The following NCAM2 variants were observed in gnomAD, a reference collection of about 807,000 sequenced individuals.
NCAM2 encodes neural cell adhesion molecule 2.
NCAM2 carries 30 observed loss-of-function variants against 98.1 expected under a neutral mutation model. The ratio of observed to expected loss-of-function variants is 0.31; its 90% CI spans 0.23 to 0.41. The LOEUF is 0.41. Ranked by LOEUF, NCAM2 falls within the 10% of genes least tolerant of loss-of-function variation. The probability of loss-of-function intolerance (pLI) is 1.00; values close to 1 mark genes in which losing one functional copy is unlikely to be tolerated. For synonymous variants in NCAM2, 368 were observed against 342.4 expected (o/e 1.07, Z -0.83); for missense variants, 867 against 1,005.8 (o/e 0.86, Z 1.87).
intron 6 of NCAM2, among the ~76,000 whole-genome samples, chr21:21,329,428 A>G (rs969999603): frequency 3.9e-5 from 6 of 152,172 alleles, no homozygotes; most frequent in Non-Finnish European, 4.4e-5. Context: ...AATAGGCTAT[A>G]TACCATCTTG....
At chr21:21,072,107 G>T (rs9980193) in intron 1 of NCAM2, among the ~76,000 whole-genome samples, 148,178 of 152,048 alleles carry the variant, frequency 0.97, 72,301 homozygotes, top group Middle Eastern at 1. Flanking sequence ...AGAGATGGGA[G>T]TTCACCGTGT....
chr21:21,463,506 C>A (rs1287770845), intron 12 of NCAM2, among the ~76,000 whole-genome samples: 2 of 152,094 alleles, frequency 1.3e-5, no homozygotes, highest in Non-Finnish European at 2.9e-5. Flanking sequence ...ATCTATAAAA[C>A]CTCTCTTTGG....
intron 9 of NCAM2, among the ~76,000 whole-genome samples, chr21:21,408,606 A>G (rs1338381856): frequency 6.6e-6 from 1 of 151,996 alleles, no homozygotes; most frequent in Non-Finnish European, 1.5e-5. Flanking sequence ...TTATTTCTGT[A>G]TTTGATTGGG....
rs531956166 is a variant in NCAM2, at chr21:21,310,574, G to A, written c.620-13809G>A. Among the ~76,000 whole-genome samples, 7 of 152,274 alleles carry A rather than the reference G, an allele frequency of 4.6e-5. No individual in the cohort carries two copies. The East Asian group carries it at 1.4e-3, about 29-fold the overall frequency. Reference sequence around the variant, plus strand: ...CAGGAACTGACTTCTCCAGGAGGATGGGCTGTTTCAGAGTATCAGCTTATT... The same window carrying A: ...CAGGAACTGACTTCTCCAGGAGGATAGGCTGTTTCAGAGTATCAGCTTATT... On this transcript the variant is annotated intron_variant, in intron 5 of 17. Transcript: ENST00000400546.
At chr21:21,107,753 G>T (rs1032619707) in intron 1 of NCAM2, among the ~76,000 whole-genome samples, 2 of 152,080 alleles carry the variant, frequency 1.3e-5, no homozygotes, top group African/African-American at 4.8e-5. Context: ...GTAATCAAAT[G>T]CATTTGTTAT....
chr21:21,351,200 T>A (rs2075331051), intron 8 of NCAM2, among the ~76,000 whole-genome samples: 2 of 151,886 alleles, frequency 1.3e-5, no homozygotes, highest in African/African-American at 4.8e-5. Flanking sequence ...TTTATTGAGT[T>A]AGTTGTCACT....
At chr21:21,251,783 T>C (rs2071483815) in intron 1 of NCAM2, among the ~76,000 whole-genome samples, 1 of 152,054 alleles carries the variant, frequency 6.6e-6, no homozygotes, top group Non-Finnish European at 1.5e-5. Flanking sequence ...AAGTTTCTTT[T>C]AGATTCTGGA....
At chr21:21,135,256 A>AAAAAAAC (rs2067024005) in intron 1 of NCAM2, among the ~76,000 whole-genome samples, 1 of 145,624 alleles carries the variant, frequency 6.9e-6, no homozygotes, top group Non-Finnish European at 1.5e-5. Context: ...AAAAAAAAAA[A>AAAAAAAC]AAAAAAAACT....
At chr21:21,209,422 C>A (rs899569794) in intron 1 of NCAM2, among the ~76,000 whole-genome samples, 7 of 152,052 alleles carry the variant, frequency 4.6e-5, no homozygotes, top group South Asian at 4.1e-4. Flanking sequence ...CTGGGTCTTG[C>A]TATGTTTTCC....
intron 12 of NCAM2, among the ~76,000 whole-genome samples, chr21:21,449,682 G>C (rs1238503070): frequency 6.6e-6 from 1 of 151,786 alleles, no homozygotes; most frequent in Non-Finnish European, 1.5e-5. Flanking sequence ...ATCTATTATA[G>C]TATATAAATG....
chr21:21,021,089 T>A (rs1778249524), intron 1 of NCAM2, among the ~76,000 whole-genome samples: 1 of 152,206 alleles, frequency 6.6e-6, no homozygotes, highest in Non-Finnish European at 1.5e-5. Context: ...TTTGATGATC[T>A]TCTGCTTTCA....
intron 1 of NCAM2, chr21:21,239,430 A>T (rs1266901774): frequency 1.3e-5 from 2 of 152,180 alleles, no homozygotes; most frequent in African/African-American, 4.8e-5. Flanking sequence ...CTTTGTAACC[A>T]GCAATGTTCA....
chr21:21,234,297 A>G (rs2070737894), intron 1 of NCAM2, among the ~76,000 whole-genome samples: 1 of 151,902 alleles, frequency 6.6e-6, no homozygotes, highest in African/African-American at 2.4e-5. Flanking sequence ...ATAAAAAAAA[A>G]AGTAGTAAAT....
intron 12 of NCAM2, among the ~76,000 whole-genome samples, chr21:21,445,073 C>G (rs1482849212): frequency 6.6e-6 from 1 of 152,030 alleles, no homozygotes; most frequent in African/African-American, 2.4e-5. Flanking sequence ...TTAATTTTTG[C>G]CTTAATTTCA....
intron 5 of NCAM2, among the ~76,000 whole-genome samples, chr21:21,308,086 C>CAT (rs1555863617): frequency 6.7e-6 from 1 of 149,546 alleles, no homozygotes; most frequent in East Asian, 2.0e-4. Flanking sequence ...CACACACACA[C>CAT]GTACACACAC....
intron 1 of NCAM2, among the ~76,000 whole-genome samples, chr21:21,255,766 A>G (rs1489497435): frequency 6.6e-6 from 1 of 152,148 alleles, no homozygotes; most frequent in Non-Finnish European, 1.5e-5. Context: ...CTTAGTTGGT[A>G]TAGGCTGAGA....
intron 1 of NCAM2, among the ~76,000 whole-genome samples, chr21:21,271,100 T>C (rs2072482014): frequency 6.6e-6 from 1 of 152,182 alleles, no homozygotes; most frequent in Non-Finnish European, 1.5e-5. Flanking sequence ...AACACCCACA[T>C]ACTACTGAAT....
intron 15 of NCAM2, among the ~76,000 whole-genome samples, chr21:21,481,606 A>G (rs1985892504): frequency 6.6e-6 from 1 of 152,142 alleles, no homozygotes; most frequent in African/African-American, 2.4e-5. Context: ...GGAAAAAGCC[A>G]GTGTTAGAAG....
At chr21:21,452,975 T>C (rs367998371) in intron 12 of NCAM2, among the ~76,000 whole-genome samples, 1 of 66,612 alleles carries the variant, frequency 1.5e-5, no homozygotes, top group Non-Finnish European at 2.7e-5. Flanking sequence ...TATATATTAT[T>C]ATATATTATA....
Sources: gnomAD v4.1 joint callset for allele counts (sites outside exome capture counted in the v4.1 genomes callset) on GRCh38, gnomAD v4.1.1 for gene constraint, MANE v1.5 for transcripts, NCBI Gene and HGNC (gene_info 2026-07-23, HGNC 2026-07-21) for gene names.